Variants in DIAPH2 observed in about 807,000 individuals in gnomAD.
The protein encoded by DIAPH2 is diaphanous related formin 2.
In DIAPH2, 35 loss-of-function variants were observed where a neutral mutation model predicts 92.7. The observed-to-expected ratio is 0.38, with a 90% CI of 0.29 to 0.50. The LOEUF is 0.50. Among genes scored for constraint, DIAPH2 ranks in the 20% least tolerant of loss-of-function variants. DIAPH2 has a pLI of 0.94. For missense variants in DIAPH2, 701 were observed against 819.5 expected (o/e 0.86, Z 1.77); for synonymous variants, 301 against 280.4 (o/e 1.07, Z -0.73).
intron 23 of DIAPH2, among the ~76,000 whole-genome samples, chrX:97,283,634 G>C (rs768383101): frequency 8.9e-6 from 1 of 112,824 alleles, no homozygotes; most frequent in African/African-American, 3.2e-5. Context: ...TTGTACTCGT[G>C]GGATGATATT....
chrX:97,074,358 A>T (rs1324869179), intron 18 of DIAPH2, among the ~76,000 whole-genome samples: 3 of 111,858 alleles, frequency 2.7e-5, no homozygotes, highest in Non-Finnish European at 5.6e-5. Context: ...GTGAGCCGAG[A>T]TCGCACCATT....
intron 3 of DIAPH2, 88 bp from the exon 4 acceptor site, chrX:96,758,066 A>G (rs994437660): frequency 7.6e-6 from 6 of 790,929 alleles, no homozygotes; most frequent in Non-Finnish European, 1.0e-5. Flanking sequence ...GTATTTTAAG[A>G]CATAGAAATT....
At chrX:96,945,417 G>A in intron 13 of DIAPH2, 110 bp from the exon 14 acceptor site, 1 of 503,292 alleles carries the variant, frequency 2.0e-6, no homozygotes, top group South Asian at 3.3e-5. Context: ...CATTTAATAA[G>A]GGTTGACATA....
At chrX:97,333,850 C>T (rs1336996767) in intron 23 of DIAPH2, among the ~76,000 whole-genome samples, 1 of 110,275 alleles carries the variant, frequency 9.1e-6, no homozygotes, top group Non-Finnish European at 1.9e-5. Context: ...CATGCGTGAG[C>T]CACCGCCCCC....
chrX:97,194,607 G>C (rs2067686356), intron 22 of DIAPH2, among the ~76,000 whole-genome samples: 1 of 111,316 alleles, frequency 9.0e-6, no homozygotes, highest in African/African-American at 3.3e-5. Context: ...TCAAATTGTT[G>C]AATTTGTTTT....
intron 4 of DIAPH2, among the ~76,000 whole-genome samples, chrX:96,809,339 G>C (rs1440594016): frequency 2.4e-5 from 2 of 83,187 alleles, no homozygotes; most frequent in Admixed American, 1.4e-4. Flanking sequence ...AAAAAATGTG[G>C]TTAAAAAAAA....
chrX:96,739,773 T>A (rs2064108302), intron 3 of DIAPH2, among the ~76,000 whole-genome samples: 1 of 111,940 alleles, frequency 8.9e-6, no homozygotes, highest in Admixed American at 9.5e-5. Flanking sequence ...CCTGACACTT[T>A]TACCCTTTTT....
At chrX:97,186,478 G>A (rs2067605742) in intron 22 of DIAPH2, among the ~76,000 whole-genome samples, 3 of 111,518 alleles carry the variant, frequency 2.7e-5, no homozygotes, top group South Asian at 7.7e-4. Flanking sequence ...AATATGTTAT[G>A]CATTTACTTT....
At chrX:96,734,349 C>T (rs866273421) in intron 1 of DIAPH2, among the ~76,000 whole-genome samples, 2 of 111,757 alleles carry the variant, frequency 1.8e-5, no homozygotes, top group African/African-American at 6.5e-5. Context: ...TGTGGACAAG[C>T]GCACATAGGG....
chrX:97,584,804 T>G (rs1372699969), intron 26 of DIAPH2, among the ~76,000 whole-genome samples: 1 of 112,765 alleles, frequency 8.9e-6, no homozygotes, highest in African/African-American at 3.2e-5. Flanking sequence ...AGCAAAAAAG[T>G]ATTCAGTACA....
intron 3 of DIAPH2, among the ~76,000 whole-genome samples, chrX:96,750,715 G>T (rs12157051): frequency 8.9e-6 from 1 of 112,394 alleles, no homozygotes; most frequent in African/African-American, 3.2e-5. Flanking sequence ...ATAAGGTGAG[G>T]TGTTTTTAAA....
intron 3 of DIAPH2, among the ~76,000 whole-genome samples, chrX:96,739,652 T>C (rs2064107575): frequency 8.9e-6 from 1 of 112,059 alleles, no homozygotes; most frequent in Non-Finnish European, 1.9e-5. Context: ...TGAATAAATA[T>C]TTGTTGGTAG....
intron 23 of DIAPH2, among the ~76,000 whole-genome samples, chrX:97,266,563 C>T (rs928995510): frequency 1.8e-5 from 2 of 111,460 alleles, no homozygotes; most frequent in East Asian, 2.8e-4. Flanking sequence ...TTTGGTGCTT[C>T]GATGTCCTGT....
intron 22 of DIAPH2, among the ~76,000 whole-genome samples, chrX:97,161,052 T>TG (rs1491444710): frequency 1.3e-4 from 6 of 46,528 alleles, no homozygotes; most frequent in Non-Finnish European, 3.1e-4. Flanking sequence ...TGTTTTTTTG[T>TG]TTTTTTTTTT....
At chrX:97,435,017 G>C (rs1341629645) in intron 26 of DIAPH2, among the ~76,000 whole-genome samples, 1 of 111,519 alleles carries the variant, frequency 9.0e-6, no homozygotes, top group Admixed American at 9.5e-5. Context: ...GGGCAGGTAG[G>C]AGAATCCAGA....
intron 22 of DIAPH2, among the ~76,000 whole-genome samples, chrX:97,154,186 G>T (rs2067305746): frequency 9.0e-6 from 1 of 110,786 alleles, no homozygotes; most frequent in African/African-American, 3.3e-5. Context: ...ATTTATAAAG[G>T]GCTAAGTGCC....
chrX:97,121,513 A>G lies in DIAPH2; in HGVS notation c.2589+6548A>G, dbSNP rs753846611. Among the ~76,000 whole-genome samples the G allele has an allele frequency of 5.3e-5, 6 of 112,464 alleles. No homozygotes were observed. The South Asian group carries it at 2.2e-3, about 41-fold the overall frequency. ...GCTCTCAATATATTACTACAGATTGAAAGTCAGACAATTTGATTAAATAGA... is the reference window on the plus strand; with the variant it reads ...GCTCTCAATATATTACTACAGATTGGAAGTCAGACAATTTGATTAAATAGA... On this transcript the variant is annotated intron_variant, in intron 21 of 26. Transcript: ENST00000324765.
At chrX:96,712,060 A>T (rs1027412775) in intron 1 of DIAPH2, among the ~76,000 whole-genome samples, 2 of 111,667 alleles carry the variant, frequency 1.8e-5, no homozygotes, top group Admixed American at 1.9e-4. Flanking sequence ...TTGTAAAGGT[A>T]GAGTTAGGTT....
chrX:96,737,677 G>A (rs1246789201), intron 2 of DIAPH2, among the ~76,000 whole-genome samples: 1 of 111,775 alleles, frequency 8.9e-6, no homozygotes, highest in Non-Finnish European at 1.9e-5. Context: ...ATGTGAAATA[G>A]CAAGCTAATT....
Sources: gnomAD v4.1 joint callset for allele counts (sites outside exome capture counted in the v4.1 genomes callset) on GRCh38, gnomAD v4.1.1 for gene constraint, MANE v1.5 for transcripts, NCBI Gene and HGNC (gene_info 2026-07-23, HGNC 2026-07-21) for gene names.